Variants in LEMD3 observed in about 807,000 individuals in gnomAD.
The protein encoded by LEMD3 is LEM domain containing 3.
A neutral mutation model predicts 95.2 loss-of-function variants in LEMD3; 33 were observed. That is an observed-to-expected ratio of 0.35 (90% CI 0.26 to 0.46). LEMD3 has a LOEUF of 0.46. Ranked by LOEUF, LEMD3 falls within the 20% of genes least tolerant of loss-of-function variation. The probability of loss-of-function intolerance (pLI) is 1.00; values close to 1 mark genes in which losing one functional copy is unlikely to be tolerated. For missense variants in LEMD3, 1,210 were observed against 1,192.8 expected, an observed-to-expected ratio of 1.01 and a Z score of -0.21; for synonymous variants, 525 against 474.6, an observed-to-expected ratio of 1.11 and a Z score of -1.38.
chr12:65,230,686 A>G (rs1870598493), intron 4 of LEMD3, among the ~76,000 whole-genome samples: 1 of 152,214 alleles, frequency 6.6e-6, no homozygotes, highest in South Asian at 2.1e-4. Flanking sequence ...CCACATTAAC[A>G]TCATGTCATC....
chr12:65,224,055 T>C, intron 4 of LEMD3, among the ~76,000 whole-genome samples: 1 of 152,182 alleles, frequency 6.6e-6, no homozygotes, highest in Non-Finnish European at 1.5e-5. Flanking sequence ...TTACATCTTT[T>C]CATATTGTGT....
chr12:65,186,182 A>G (rs1290019265), intron 1 of LEMD3, among the ~76,000 whole-genome samples: 1 of 152,108 alleles, frequency 6.6e-6, no homozygotes, highest in Non-Finnish European at 1.5e-5. Context: ...TCTAAGTCAT[A>G]AACTTTGGAG....
intron 4 of LEMD3, among the ~76,000 whole-genome samples, chr12:65,235,877 A>G (rs1870758191): frequency 6.6e-6 from 1 of 152,110 alleles, no homozygotes; most frequent in South Asian, 2.1e-4. Context: ...CCTTTTTTCA[A>G]TCATTAAATA....
At chr12:65,190,954 C>T (rs1025605538) in intron 1 of LEMD3, among the ~76,000 whole-genome samples, 1 of 152,074 alleles carries the variant, frequency 6.6e-6, no homozygotes, top group Non-Finnish European at 1.5e-5. Context: ...AAAAAAGTTT[C>T]CTTAAATCTG....
intron 1 of LEMD3, among the ~76,000 whole-genome samples, chr12:65,187,602 T>TA (rs1043855094): frequency 0.024 from 3,612 of 147,544 alleles, 162 homozygotes; most frequent in African/African-American, 0.085. Context: ...TTCCCCCCTT[T>TA]AAAAAAAAAA....
chr12:65,187,686 A>C (rs1869109693), intron 1 of LEMD3, among the ~76,000 whole-genome samples: 1 of 152,108 alleles, frequency 6.6e-6, no homozygotes, highest in Admixed American at 6.6e-5. Flanking sequence ...AATGGACTCC[A>C]GGTAAGCAGT....
At chr12:65,230,264 A>G (rs1870581189) in intron 4 of LEMD3, among the ~76,000 whole-genome samples, 1 of 152,142 alleles carries the variant, frequency 6.6e-6, no homozygotes, top group African/African-American at 2.4e-5. Flanking sequence ...CCTTTTGCTC[A>G]GGATTGCTTT....
chr12:65,247,006 GTATA>G lies in LEMD3; in HGVS notation c.*685_*688del, dbSNP rs1157560650. 1.3e-5 allele frequency: 2 copies of G among 153,622 alleles called. No individual in the cohort carries two copies. Among genetic ancestry groups the G allele is most frequent in the South Asian group, 2.0e-4 (1 of 4,900 alleles). 9.5% of individuals were successfully genotyped at this position (153,622 alleles called of 1,614,324 possible). On this transcript the variant is annotated 3_prime_UTR_variant, in exon 13 of 13. Coordinates refer to ENST00000308330, the MANE Select transcript of LEMD3 (RefSeq NM_014319.5). ...ATTTTATTCATAATCTAATGTGTGTGTATATATGTATGTGTGTATGTGTGTGTAT... is the reference window on the plus strand; with the variant it reads ...ATTTTATTCATAATCTAATGTGTGTGTATGTATGTGTGTATGTGTGTGTAT...
intron 4 of LEMD3, among the ~76,000 whole-genome samples, chr12:65,219,761 A>G (rs1420978397): frequency 6.6e-6 from 1 of 152,116 alleles, no homozygotes; most frequent in Non-Finnish European, 1.5e-5. Context: ...TTCTTCCTCC[A>G]TCAGTGTGAT....
At position 65,238,822 on chromosome 12, in the gene LEMD3, G is replaced by A. The variant is rs951712573; in HGVS notation, c.1921+8G>A. ...TATTGTTGTTATGCTTAGGTAAGTT[G>A]TAAAGATAAGAAATGAGATAAATTG... On this transcript the variant is annotated splice_region_variant and intron_variant, in intron 6 of 12. Coordinates refer to ENST00000308330, the MANE Select transcript of LEMD3 (RefSeq NM_014319.5). 1 of 1,613,714 alleles carries A rather than the reference G, an allele frequency of 6.2e-7. No homozygotes were observed. Among genetic ancestry groups the A allele is most frequent in the Non-Finnish European group, 8.5e-7 (1 of 1,179,826 alleles).
At chr12:65,194,602 A>C (rs1221378538) in intron 1 of LEMD3, among the ~76,000 whole-genome samples, 1 of 152,010 alleles carries the variant, frequency 6.6e-6, no homozygotes, top group Non-Finnish European at 1.5e-5. Context: ...AAGACGTATC[A>C]AAAGGCTAGT....
In LEMD3 at chr12:65,243,439, TA is replaced by T; in HGVS notation, c.2360del (p.Lys787ArgfsTer12). 6.2e-7 allele frequency: 1 copy of T among 1,602,448 alleles called. No homozygotes were observed. The highest frequency in any genetic ancestry group is 8.6e-7 in the Non-Finnish European group (1 of 1,169,438). ...CCACCAAATAGTTTGACACCGTGTCTAAAGATTCGGAATATGTTTGATCCCG... is the reference window on the plus strand; with the variant it reads ...CCACCAAATAGTTTGACACCGTGTCTAAGATTCGGAATATGTTTGATCCCG... Reference protein sequence around the residue: ...NSPPNSLTPCLKIRNMFDPVM... With the variant: ...NSPPNSLTPCXKIRNMFDPVM... On this transcript the variant is annotated frameshift_variant, in exon 10 of 13. Transcript: ENST00000308330. LOFTEE classifies it high-confidence loss of function.
rs1044207603 is a variant in LEMD3, at chr12:65,192,421, G to T, written c.1523-18505G>T. Among the ~76,000 whole-genome samples, 5 of 152,066 alleles carry T rather than the reference G, an allele frequency of 3.3e-5. No homozygotes were observed. The East Asian group carries it at 7.7e-4, about 23-fold the overall frequency. On this transcript the variant is annotated intron_variant, in intron 1 of 12. Coordinates refer to ENST00000308330, the MANE Select transcript of LEMD3 (RefSeq NM_014319.5). ...ACCTGTATAGGTTTTGCCTGTGTGGGTATAGGTTTTGCCCTATACCCGTCT... is the reference window on the plus strand; with the variant it reads ...ACCTGTATAGGTTTTGCCTGTGTGGTTATAGGTTTTGCCCTATACCCGTCT...
intron 1 of LEMD3, among the ~76,000 whole-genome samples, chr12:65,200,473 C>A (rs1869565718): frequency 6.6e-6 from 1 of 152,128 alleles, no homozygotes; most frequent in African/African-American, 2.4e-5. Flanking sequence ...ATAGTCAAGA[C>A]CTTCCACCAG....
intron 2 of LEMD3, among the ~76,000 whole-genome samples, chr12:65,213,251 G>A (rs921557610): frequency 6.6e-6 from 1 of 152,082 alleles, no homozygotes; most frequent in African/African-American, 2.4e-5. Context: ...TTGAGACAAG[G>A]TCTCATTTTT....
At chr12:65,227,251 G>T (rs931767907) in intron 4 of LEMD3, among the ~76,000 whole-genome samples, 2 of 152,196 alleles carry the variant, frequency 1.3e-5, no homozygotes, top group African/African-American at 2.4e-5. Flanking sequence ...TTCACTTCTA[G>T]TAGTAGGACT....
intron 10 of LEMD3, chr12:65,245,466 T>G (rs1565801950): frequency 1.8e-6 from 1 of 546,098 alleles, no homozygotes; most frequent in Admixed American, 3.0e-5. Flanking sequence ...TACTGGAAAG[T>G]GGGAGGAGGG....
At chr12:65,209,223 T>C (rs575380028) in intron 1 of LEMD3, among the ~76,000 whole-genome samples, 3 of 152,166 alleles carry the variant, frequency 2.0e-5, no homozygotes, top group Non-Finnish European at 4.4e-5. Context: ...TTTACAGTTA[T>C]GCTTTTATGG....
chr12:65,170,881 C>T lies in LEMD3; in HGVS notation c.1285C>T (p.His429Tyr), dbSNP rs757460816. 1 of 1,614,222 alleles carries T rather than the reference C, an allele frequency of 6.2e-7. No homozygotes were observed. The highest frequency in any genetic ancestry group is 1.1e-5 in the South Asian group (1 of 91,092). The change falls in exon 1 of 13, where the codon CAT (histidine) becomes TAT (tyrosine). Residue 429 changes from histidine to tyrosine, a missense_variant. His to Tyr is a moderately conservative substitution (Grantham distance 83). This residue lies in a region of LEMD3 where 749 missense variants were observed against 622.9 expected (regional missense o/e 1.20). Coordinates refer to ENST00000308330, the MANE Select transcript of LEMD3 (RefSeq NM_014319.5). ...SSSLRINHAN[H>Y]TGSNHTYLKN... Reference sequence around the variant, plus strand: ...TTCACTCAGGATCAATCACGCCAATCATACGGGCTCCAATCATACCTACCT... The same window carrying T: ...TTCACTCAGGATCAATCACGCCAATTATACGGGCTCCAATCATACCTACCT...
Sources: allele counts gnomAD v4.1 joint callset (sites outside exome capture counted in the v4.1 genomes callset), GRCh38; gene constraint gnomAD v4.1.1; regional missense constraint gnomAD v4.1.1; transcripts MANE v1.5; gene names NCBI Gene and HGNC (gene_info 2026-07-23, HGNC 2026-07-21).